JAZF1: variants seen among roughly 807,000 people sequenced by gnomAD.
The protein encoded by JAZF1 is juxtaposed with another zinc finger protein 1.
In JAZF1, 8 loss-of-function variants were observed where a neutral mutation model predicts 26.4. The ratio of observed to expected loss-of-function variants is 0.30; its 90% CI spans 0.18 to 0.55. The LOEUF (loss-of-function observed/expected upper bound fraction) is 0.55, where lower values mean the gene tolerates loss of function less well. JAZF1 is among the 20% of genes least tolerant of loss of function. The pLI, the probability that JAZF1 is intolerant of heterozygous loss-of-function variation, is 0.94. For synonymous variants in JAZF1, 126 were observed against 122.3 expected (o/e 1.03, Z -0.20); for missense variants, 199 against 322.0 (o/e 0.62, Z 2.92).
intron 3 of JAZF1, among the ~76,000 whole-genome samples, chr7:27,875,385 T>C (rs1783660420): frequency 1.3e-5 from 2 of 152,192 alleles, no homozygotes; most frequent in Admixed American, 6.5e-5. Flanking sequence ...CCAGCAGTCA[T>C]TGGTCAGTCA....
chr7:28,069,889 G>A (rs1241337811), intron 1 of JAZF1, among the ~76,000 whole-genome samples: 9 of 152,076 alleles, frequency 5.9e-5, no homozygotes, highest in East Asian at 3.9e-4. Context: ...CTGTCATCCC[G>A]GTCTGTCGGC....
At chr7:27,834,481 G>A (rs1782768125) in intron 4 of JAZF1, among the ~76,000 whole-genome samples, 1 of 152,212 alleles carries the variant, frequency 6.6e-6, no homozygotes, top group Non-Finnish European at 1.5e-5. Context: ...ACTCTCCCCT[G>A]AACACCTGGC....
chr7:27,952,357 C>T (rs748983742), intron 2 of JAZF1, among the ~76,000 whole-genome samples: 11 of 152,156 alleles, frequency 7.2e-5, no homozygotes, highest in African/African-American at 1.2e-4. Context: ...AGTAGGGGAC[C>T]GATCCCAGCA....
intron 1 of JAZF1, among the ~76,000 whole-genome samples, chr7:28,106,009 C>CA (rs570236984): frequency 1.3e-3 from 197 of 152,280 alleles, no homozygotes; most frequent in African/African-American, 4.6e-3. Context: ...GACACACTGG[C>CA]AAGCTCACGA....
intron 1 of JAZF1, among the ~76,000 whole-genome samples, chr7:28,156,284 C>G (rs1375913485): frequency 6.6e-6 from 1 of 152,222 alleles, no homozygotes; most frequent in African/African-American, 2.4e-5. Context: ...CACAGAGGAA[C>G]CAGTCAAGGA....
intron 1 of JAZF1, among the ~76,000 whole-genome samples, chr7:28,164,777 C>T (rs1006738961): frequency 6.6e-6 from 1 of 152,158 alleles, no homozygotes; most frequent in South Asian, 2.1e-4. Context: ...GTCTCATAAC[C>T]ACTAAAATCT....
rs117256467 is a variant in JAZF1 at position 28,061,979 on chromosome 7, G to A, written c.116-69998C>T. ...TTGGACACAAAGGATCTGGCCTAAC[G>A]GTGAAGGACGGAGTGGGGAAACCCA... On this transcript the variant is annotated intron_variant, in intron 1 of 4. Transcript: ENST00000283928. 5.3e-3 allele frequency among the ~76,000 whole-genome samples: 801 copies of A among 152,326 alleles called. 4 individuals carry two copies. Among genetic ancestry groups the A allele is most frequent in the Middle Eastern group, 0.014 (4 of 294 alleles).
intron 1 of JAZF1, among the ~76,000 whole-genome samples, chr7:28,001,253 G>A (rs2128367771): frequency 6.6e-6 from 1 of 152,108 alleles, no homozygotes; most frequent in African/African-American, 2.4e-5. Flanking sequence ...ATGTGAGGCT[G>A]AGATATGAGA....
At chr7:28,090,231 T>G (rs1784272897) in intron 1 of JAZF1, among the ~76,000 whole-genome samples, 1 of 152,212 alleles carries the variant, frequency 6.6e-6, no homozygotes, top group Non-Finnish European at 1.5e-5. Flanking sequence ...CCTGTATAGC[T>G]CTTATAGTGC....
intron 1 of JAZF1, among the ~76,000 whole-genome samples, chr7:28,146,594 G>A (rs1052617565): frequency 1.3e-5 from 2 of 152,190 alleles, no homozygotes; most frequent in African/African-American, 2.4e-5. Context: ...ATTATCAACA[G>A]TCTGACTGCA....
intron 2 of JAZF1, among the ~76,000 whole-genome samples, chr7:27,956,945 G>A (rs1785105399): frequency 6.6e-6 from 1 of 152,224 alleles, no homozygotes; most frequent in Admixed American, 6.5e-5. Context: ...GGCTGCACAC[G>A]AATAACGGCA....
intron 1 of JAZF1, among the ~76,000 whole-genome samples, chr7:28,173,608 T>C (rs1783506259): frequency 6.6e-6 from 1 of 152,082 alleles, no homozygotes; most frequent in Admixed American, 6.6e-5. Context: ...GGCATCCAGA[T>C]CATGTCCCTT....
chr7:27,885,010 C>G (rs939053120), intron 3 of JAZF1, among the ~76,000 whole-genome samples: 2 of 152,172 alleles, frequency 1.3e-5, no homozygotes, highest in African/African-American at 2.4e-5. Flanking sequence ...ACATTCTCTG[C>G]TCTGCACAGG....
At chr7:28,158,574 T>C (rs1317417833) in intron 1 of JAZF1, among the ~76,000 whole-genome samples, 1 of 152,164 alleles carries the variant, frequency 6.6e-6, no homozygotes, top group Non-Finnish European at 1.5e-5. Context: ...TTAGATCCTA[T>C]TTCCACAACC....
chr7:28,156,409 G>T (rs77039809), intron 1 of JAZF1, among the ~76,000 whole-genome samples: 8,844 of 152,264 alleles, frequency 0.058, 785 homozygotes, highest in African/African-American at 0.19. Flanking sequence ...GCCAAAATAT[G>T]ATTTGTCTAT....
chr7:27,873,403 G>A (rs1200894580), intron 3 of JAZF1, among the ~76,000 whole-genome samples: 1 of 152,070 alleles, frequency 6.6e-6, no homozygotes, highest in East Asian at 1.9e-4. Flanking sequence ...ATTCCTTAGC[G>A]TGGCATTTAA....
intron 3 of JAZF1, among the ~76,000 whole-genome samples, chr7:27,884,831 C>T (rs994875434): frequency 2.0e-5 from 3 of 152,162 alleles, no homozygotes; most frequent in African/African-American, 7.2e-5. Context: ...TTTGTGGATA[C>T]ATGTTTTCAC....
intron 2 of JAZF1, among the ~76,000 whole-genome samples, chr7:27,917,520 G>C (rs1757665462): frequency 6.6e-6 from 1 of 152,180 alleles, no homozygotes; most frequent in African/African-American, 2.4e-5. Flanking sequence ...CTGTTGGTTT[G>C]AGAACCACGG....
chr7:27,883,520 GCTTT>G (rs1011388803), intron 3 of JAZF1, among the ~76,000 whole-genome samples: 77 of 152,298 alleles, frequency 5.1e-4, no homozygotes, highest in African/African-American at 1.5e-3. Flanking sequence ...TGAATTATTG[GCTTT>G]CTGTTAGTAC....
Sources: gnomAD v4.1 joint callset for allele counts (sites outside exome capture counted in the v4.1 genomes callset) on GRCh38, gnomAD v4.1.1 for gene constraint, MANE v1.5 for transcripts, NCBI Gene and HGNC (gene_info 2026-07-23, HGNC 2026-07-21) for gene names.